IQCM: variants seen among roughly 807,000 people sequenced by gnomAD.
The protein encoded by IQCM is IQ domain-containing protein M.
A neutral mutation model predicts 57.6 loss-of-function variants in IQCM; 45 were observed. That is an observed-to-expected ratio of 0.78 (90% CI 0.62 to 1.00). The LOEUF (loss-of-function observed/expected upper bound fraction) is 1.00, where lower values mean the gene tolerates loss of function less well. Among genes scored for constraint, IQCM ranks in the 50% least tolerant of loss-of-function variants. The probability of loss-of-function intolerance (pLI) is 0.00; values close to 1 mark genes in which losing one functional copy is unlikely to be tolerated. For missense variants in IQCM, 468 were observed against 511.6 expected (o/e 0.91, Z 0.82); for synonymous variants, 148 against 158.9 (o/e 0.93, Z 0.51).
chr4:149,653,076 T>C (rs1216884154), intron 7 of IQCM, among the ~76,000 whole-genome samples: 1 of 152,208 alleles, frequency 6.6e-6, no homozygotes, highest in African/African-American at 2.4e-5. Flanking sequence ...ATGAGATTTT[T>C]TTTATCCTAG....
chr4:149,747,422 A>G (rs914984175), intron 2 of IQCM, among the ~76,000 whole-genome samples: 4 of 152,216 alleles, frequency 2.6e-5, no homozygotes, highest in Admixed American at 1.3e-4. Context: ...TCTCTAGATT[A>G]TTTATAATGC....
chr4:149,549,032 T>C (rs1240767157), intron 11 of IQCM, among the ~76,000 whole-genome samples: 2 of 152,228 alleles, frequency 1.3e-5, no homozygotes, highest in Non-Finnish European at 2.9e-5. Context: ...GGATGGCTTA[T>C]TCTGTTTCTA....
chr4:149,590,500 G>A (rs558949804), intron 8 of IQCM, among the ~76,000 whole-genome samples: 34 of 151,408 alleles, frequency 2.2e-4, no homozygotes, highest in Non-Finnish European at 2.8e-4. Context: ...TGTACAGAAC[G>A]TGCAGATTTG....
chr4:149,389,703 T>G (rs1731705279), intron 13 of IQCM, among the ~76,000 whole-genome samples: 1 of 116,958 alleles, frequency 8.6e-6, no homozygotes, highest in Admixed American at 1.0e-4. Flanking sequence ...CTCTGGGGAC[T>G]GTTGTGGGTT....
intron 12 of IQCM, among the ~76,000 whole-genome samples, chr4:149,529,224 C>A (rs1039101453): frequency 6.6e-6 from 1 of 152,072 alleles, no homozygotes; most frequent in Non-Finnish European, 1.5e-5. Flanking sequence ...CCACAACAGC[C>A]AGCTAATTTT....
intron 11 of IQCM, 68 bp downstream of exon 11, chr4:149,553,075 A>G (rs1749187347): frequency 1.7e-6 from 2 of 1,152,304 alleles, no homozygotes; most frequent in Non-Finnish European, 2.2e-6. Flanking sequence ...AGGTAATTAT[A>G]TTTAAAATTC....
chr4:149,635,724 A>G (rs1435920182), intron 7 of IQCM, among the ~76,000 whole-genome samples: 1 of 152,188 alleles, frequency 6.6e-6, no homozygotes, highest in Admixed American at 6.5e-5. Context: ...TTACCTCTCC[A>G]GTCCCAGAAA....
intron 12 of IQCM, among the ~76,000 whole-genome samples, chr4:149,455,282 A>G (rs1319008117): frequency 1.3e-5 from 2 of 151,990 alleles, no homozygotes; most frequent in Non-Finnish European, 2.9e-5. Flanking sequence ...TGGCTCATTC[A>G]CTCAATGCAG....
chr4:149,552,220 C>T (rs1306697382), intron 11 of IQCM, among the ~76,000 whole-genome samples: 1 of 152,094 alleles, frequency 6.6e-6, no homozygotes, highest in Non-Finnish European at 1.5e-5. Context: ...TCTTATAAAC[C>T]AGGCATTTGC....
chr4:149,515,219 G>A lies in IQCM; in HGVS notation c.1228+33236C>T, dbSNP rs529484356. 2.2e-3 allele frequency among the ~76,000 whole-genome samples: 330 copies of A among 151,946 alleles called. 2 individuals carry two copies. Among genetic ancestry groups the A allele is most frequent in the Non-Finnish European group, 3.4e-3 (231 of 67,956 alleles). On this transcript the variant is annotated intron_variant, in intron 12 of 13. Coordinates refer to ENST00000636793, the MANE Select transcript of IQCM (RefSeq NM_001363507.2). ...TTTTTTGAGAGGCAGCTCTTGGCCT[G>A]TTACTAGGCTTTGGTGGAAACCAAA...
rs377713425 is a variant in IQCM, at chr4:149,464,679, T to C, written c.1229-31122A>G. On this transcript the variant is annotated intron_variant, in intron 12 of 13. Transcript: ENST00000636793. ...TGCTTGACCTAGGGGATCTACATTA[T>C]CCCTAGGTTCCAGTTCTCCATGATC... is the stretch of plus-strand genomic sequence containing the variant. Among the ~76,000 whole-genome samples the C allele has an allele frequency of 7.5e-4, 114 of 152,264 alleles. 2 individuals carry two copies. The South Asian group carries it at 0.022, about 29-fold the overall frequency.
At chr4:149,357,585 G>A (rs556997606) in intron 13 of IQCM, among the ~76,000 whole-genome samples, 27 of 152,302 alleles carry the variant, frequency 1.8e-4, no homozygotes, top group Middle Eastern at 3.4e-3. Flanking sequence ...TTGCATCTCA[G>A]GGATGAAGCC....
chr4:149,686,070 T>C (rs538490574), intron 6 of IQCM, among the ~76,000 whole-genome samples: 4 of 151,694 alleles, frequency 2.6e-5, no homozygotes, highest in South Asian at 2.1e-4. Flanking sequence ...TCTAAACTTA[T>C]GTAATATTAT....
At chr4:149,396,187 A>G (rs571573973) in intron 13 of IQCM, among the ~76,000 whole-genome samples, 1 of 152,024 alleles carries the variant, frequency 6.6e-6, no homozygotes, top group East Asian at 1.9e-4. Flanking sequence ...TGGTCAATTT[A>G]ATTCTACAAT....
chr4:149,513,636 A>G (rs1324279738), intron 12 of IQCM, among the ~76,000 whole-genome samples: 9 of 152,176 alleles, frequency 5.9e-5, no homozygotes, highest in Non-Finnish European at 7.4e-5. Context: ...ATGTTTCTGC[A>G]TTCTATAAGC....
At chr4:149,455,460 AC>A (rs1737594401) in intron 12 of IQCM, among the ~76,000 whole-genome samples, 1 of 152,048 alleles carries the variant, frequency 6.6e-6, no homozygotes, top group Admixed American at 6.6e-5. Flanking sequence ...ATTTACGACC[AC>A]CTTCCTCAAT....
intron 8 of IQCM, among the ~76,000 whole-genome samples, chr4:149,599,736 T>C (rs901852157): frequency 3.6e-4 from 55 of 152,182 alleles, no homozygotes; most frequent in African/African-American, 1.3e-3. Context: ...GTGGTTTGTG[T>C]ATGCTTTGGA....
intron 2 of IQCM, among the ~76,000 whole-genome samples, chr4:149,773,090 G>A (rs577536066): frequency 3.9e-5 from 6 of 152,094 alleles, no homozygotes; most frequent in Non-Finnish European, 7.4e-5. Context: ...GGTGGCTCAC[G>A]CCTCTAATCC....
intron 7 of IQCM, among the ~76,000 whole-genome samples, chr4:149,625,741 C>T (rs1756736114): frequency 6.6e-6 from 1 of 152,048 alleles, no homozygotes; most frequent in Non-Finnish European, 1.5e-5. Context: ...GTTTCTATGT[C>T]CAGCTTCTAG....
Sources: allele counts gnomAD v4.1 joint callset (sites outside exome capture counted in the v4.1 genomes callset), GRCh38; gene constraint gnomAD v4.1.1; transcripts MANE v1.5; gene names NCBI Gene and HGNC (gene_info 2026-07-23, HGNC 2026-07-21).